Variants in SLC22A4 observed in about 807,000 individuals in gnomAD.
The protein encoded by SLC22A4 is ET transporter.
SLC22A4 carries 39 observed loss-of-function variants against 56.6 expected under a neutral mutation model. That is an observed-to-expected ratio of 0.69 (90% CI 0.53 to 0.90). The LOEUF is 0.90. Ranked by LOEUF, SLC22A4 falls within the 40% of genes least tolerant of loss-of-function variation. SLC22A4 has a pLI of 0.00. For missense variants in SLC22A4, 594 were observed against 696.5 expected (o/e 0.85, Z 1.66); for synonymous variants, 241 against 281.4 (o/e 0.86, Z 1.44).
chr5:132,298,598 GTATAT>G (rs1749832355), intron 1 of SLC22A4, among the ~76,000 whole-genome samples: 3 of 152,218 alleles, frequency 2.0e-5, no homozygotes. Context: ...ATGGTAAACT[GTATAT>G]TATGTGTACT....
Position 132,322,288 on chromosome 5 carries a change from A to G in SLC22A4, c.757A>G (p.Ile253Val), listed in dbSNP as rs372778380. The G allele has an allele frequency of 6.2e-7, 1 of 1,614,070 alleles. No individual in the cohort carries two copies. Residue 253 changes from isoleucine to valine, a missense_variant, in exon 4 of 10, where the codon ATC (isoleucine) becomes GTC (valine). By Grantham distance (29) the Ile-to-Val change is conservative. Transcript: ENST00000200652. ...YMLLPLFAYF[I>V]RDWRMLLLAL... ...GCTGCTGCCACTGTTTGCTTACTTC[A>G]TCAGAGACTGGCGGATGCTGCTGCT... is the stretch of plus-strand genomic sequence containing the variant.
chr5:132,340,022 T>C (rs887211779), intron 8 of SLC22A4, among the ~76,000 whole-genome samples: 23 of 151,420 alleles, frequency 1.5e-4, no homozygotes, highest in Admixed American at 2.6e-4. Context: ...CTGATACTTA[T>C]AATTTACTGA....
chr5:132,324,928 G>T (rs1439853300), intron 4 of SLC22A4, among the ~76,000 whole-genome samples: 1 of 152,226 alleles, frequency 6.6e-6, no homozygotes, highest in Non-Finnish European at 1.5e-5. Context: ...CAGTGGGCTA[G>T]AAATGGGAGG....
intron 8 of SLC22A4, among the ~76,000 whole-genome samples, chr5:132,339,273 A>G (rs1751125654): frequency 6.6e-6 from 1 of 152,158 alleles, no homozygotes; most frequent in African/African-American, 2.4e-5. Context: ...TCACTTTATG[A>G]TATCTTTGTA....
chr5:132,307,381 CTG>C (rs1475106825), intron 1 of SLC22A4, among the ~76,000 whole-genome samples: 2 of 152,208 alleles, frequency 1.3e-5, no homozygotes, highest in Non-Finnish European at 2.9e-5. Context: ...ACAGTCATCT[CTG>C]GGATTGAATT....
In SLC22A4 at chr5:132,312,149, C is replaced by T; in HGVS notation, c.394-12C>T. The T allele has an allele frequency of 6.4e-7, 1 of 1,564,396 alleles. No homozygotes were observed. The highest frequency in any genetic ancestry group is 8.8e-7 in the Non-Finnish European group (1 of 1,134,584). On this transcript the variant is annotated splice_polypyrimidine_tract_variant and intron_variant, in intron 1 of 9. Transcript: ENST00000200652. ...GGGTTGGGCTCACGCTTCATGCTGT[C>T]TTCCTTGGCAGTGGAATCTGGTGTG...
chr5:132,331,514 G>A (rs534942221), intron 5 of SLC22A4, among the ~76,000 whole-genome samples: 3 of 152,268 alleles, frequency 2.0e-5, no homozygotes, highest in East Asian at 3.9e-4. Flanking sequence ...TTTGTCTAAC[G>A]AGACAGGGAA....
intron 4 of SLC22A4, chr5:132,324,522 G>A (rs1203349368): frequency 2.1e-6 from 1 of 471,076 alleles, no homozygotes; most frequent in Non-Finnish European, 4.4e-6. Flanking sequence ...ACTTGCCCCA[G>A]ACAGAGGCCA....
intron 1 of SLC22A4, 177 bp downstream of exon 1, chr5:132,295,186 C>T (rs971992235): frequency 1.3e-6 from 1 of 779,678 alleles, no homozygotes; most frequent in Non-Finnish European, 2.3e-6. Context: ...ACGCGAGGCG[C>T]ATTCCTGGGT....
At chr5:132,306,539 A>T (rs892327025) in intron 1 of SLC22A4, among the ~76,000 whole-genome samples, 1 of 148,600 alleles carries the variant, frequency 6.7e-6, no homozygotes, top group African/African-American at 2.5e-5. Context: ...CTCCACCTCC[A>T]GGCTCAAGCA....
chr5:132,334,684 C>G, intron 6 of SLC22A4, 34 bp from the exon 7 acceptor site: 1 of 1,458,082 alleles, frequency 6.9e-7, no homozygotes, highest in Non-Finnish European at 9.6e-7. Flanking sequence ...GCGATTCACA[C>G]CATCCCTTTG....
intron 1 of SLC22A4, among the ~76,000 whole-genome samples, chr5:132,309,817 G>C (rs573052796): frequency 6.6e-6 from 1 of 152,378 alleles, no homozygotes; most frequent in South Asian, 2.1e-4. Context: ...GCAATGCCTG[G>C]CTCCACATCT....
At position 132,334,836 on chromosome 5, in the gene SLC22A4, TG is replaced by T; in HGVS notation, c.1167del (p.Trp389CysfsTer13). On this transcript the variant is annotated frameshift_variant, in exon 7 of 10. Coordinates refer to ENST00000200652, the MANE Select transcript of SLC22A4 (RefSeq NM_003059.3). LOFTEE classifies it high-confidence loss of function. Reference sequence around the variant, plus strand: ...TGAAATTCCAGCTTACATTACAGCCTGGCTGCTATTGCGAACCCTGCCCAGG... The same window carrying T: ...TGAAATTCCAGCTTACATTACAGCCTGCTGCTATTGCGAACCCTGCCCAGG... ...LIEIPAYITA[W>X]LLLRTLPRRY... 6.2e-7 allele frequency: 1 copy of T among 1,613,878 alleles called. No homozygotes were observed. The highest frequency in any genetic ancestry group is 8.5e-7 in the Non-Finnish European group (1 of 1,179,706).
chr5:132,295,530 A>T (rs1561532079), intron 1 of SLC22A4: 1 of 343,728 alleles, frequency 2.9e-6, no homozygotes, highest in Non-Finnish European at 5.7e-6. Flanking sequence ...AAGACAGCAG[A>T]TGGCCTCCTG....
intron 1 of SLC22A4, among the ~76,000 whole-genome samples, chr5:132,310,765 T>C (rs190933365): frequency 2.0e-5 from 3 of 152,312 alleles, no homozygotes; most frequent in Admixed American, 2.0e-4. Context: ...AAGAAGTACA[T>C]AGGAGACACT....
At chr5:132,329,714 G>A (rs552707891) in intron 5 of SLC22A4, among the ~76,000 whole-genome samples, 2 of 152,278 alleles carry the variant, frequency 1.3e-5, no homozygotes, top group South Asian at 4.1e-4. Context: ...TTCAGAAGAA[G>A]CACCTTCAAC....
chr5:132,310,515 C>A (rs1180638309), intron 1 of SLC22A4, among the ~76,000 whole-genome samples: 2 of 152,176 alleles, frequency 1.3e-5, no homozygotes, highest in Admixed American at 6.5e-5. Flanking sequence ...ATGCAAGAGC[C>A]CCAGGCGAGG....
At chr5:132,301,297 T>G (rs1749899683) in intron 1 of SLC22A4, among the ~76,000 whole-genome samples, 1 of 152,226 alleles carries the variant, frequency 6.6e-6, no homozygotes, top group South Asian at 2.1e-4. Flanking sequence ...TTCTGCCAGG[T>G]CTTGTGCTCC....
At position 132,295,013 on chromosome 5, in the gene SLC22A4, G is replaced by C; in HGVS notation, c.393+4G>C. The C allele has an allele frequency of 6.2e-7, 1 of 1,603,694 alleles. No individual in the cohort carries two copies. Among genetic ancestry groups the C allele is most frequent in the South Asian group, 1.1e-5 (1 of 89,308 alleles). On this transcript the variant is annotated splice_donor_region_variant and intron_variant, in intron 1 of 9. Coordinates refer to ENST00000200652, the MANE Select transcript of SLC22A4 (RefSeq NM_003059.3). ...CCTGTCCACCGTCGTGACCGAGGTG[G>C]GTGCCAGGCCGAGACCGTTGACCCG...
Sources: allele counts gnomAD v4.1 joint callset (sites outside exome capture counted in the v4.1 genomes callset), GRCh38; gene constraint gnomAD v4.1.1; transcripts MANE v1.5; gene names NCBI Gene and HGNC (gene_info 2026-07-23, HGNC 2026-07-21).